The following NEO1 variants were observed in gnomAD, a reference collection of about 807,000 sequenced individuals.
NEO1 encodes neogenin 1, also known as neogenin.
Under a neutral mutation model 159.7 loss-of-function variants are expected in NEO1, and 63 were observed. The ratio of observed to expected loss-of-function variants is 0.39; its 90% CI spans 0.32 to 0.49. The LOEUF (loss-of-function observed/expected upper bound fraction) is 0.49. Among genes scored for constraint, NEO1 ranks in the 20% least tolerant of loss-of-function variants. NEO1 has a pLI of 0.85. For missense variants in NEO1, 1,615 were observed against 1,831.0 expected, an observed-to-expected ratio of 0.88 and a Z score of 2.15; for synonymous variants, 633 against 662.0, an observed-to-expected ratio of 0.96 and a Z score of 0.67.
At chr15:73,272,373 G>T in intron 18 of NEO1, 82 bp from the exon 19 acceptor site, 3 of 978,594 alleles carry the variant, frequency 3.1e-6, no homozygotes, top group East Asian at 5.2e-5. Context: ...CCTTTATTTT[G>T]CCTTACAAGT....
chr15:73,291,083 G>C (rs2042147448), intron 25 of NEO1, among the ~76,000 whole-genome samples: 1 of 152,180 alleles, frequency 6.6e-6, no homozygotes, highest in African/African-American at 2.4e-5. Context: ...TGGAAATGCA[G>C]GGGAAAACCA....
chr15:73,210,013 A>G (rs977998094), intron 7 of NEO1, among the ~76,000 whole-genome samples: 3 of 152,150 alleles, frequency 2.0e-5, no homozygotes, highest in Non-Finnish European at 4.4e-5. Context: ...AAAAAAACGA[A>G]AAAAAGTAGC....
At chr15:73,071,519 T>C (rs2068532050) in intron 1 of NEO1, among the ~76,000 whole-genome samples, 1 of 151,684 alleles carries the variant, frequency 6.6e-6, no homozygotes, top group Non-Finnish European at 1.5e-5. Context: ...TTAGATGTTT[T>C]TTGTTTGTTT....
intron 16 of NEO1, among the ~76,000 whole-genome samples, chr15:73,268,950 C>G (rs1367706649): frequency 6.6e-6 from 1 of 152,216 alleles, no homozygotes; most frequent in Non-Finnish European, 1.5e-5. Flanking sequence ...TTTCCGTTAA[C>G]TGATGGGAAT....
At chr15:73,223,634 A>T (rs561182549) in intron 7 of NEO1, among the ~76,000 whole-genome samples, 7 of 152,286 alleles carry the variant, frequency 4.6e-5, no homozygotes, top group Non-Finnish European at 8.8e-5. Context: ...TTTGCATGCA[A>T]TGCCTTTTTC....
At chr15:73,129,253 C>G (rs2030752282) in intron 4 of NEO1, among the ~76,000 whole-genome samples, 1 of 151,992 alleles carries the variant, frequency 6.6e-6, no homozygotes, top group African/African-American at 2.4e-5. Context: ...ATGTAATTAC[C>G]CAAAATATCT....
chr15:73,116,500 G>C lies in NEO1; in HGVS notation c.131-40G>C, dbSNP rs563977063. ...ATATTTTCTGACAAATAATAGAAGA[G>C]AGATTTGCTTAACTTTGTTCTTTTT... On this transcript the variant is annotated intron_variant, in intron 1 of 28. Transcript: ENST00000261908. 505 of 1,464,544 alleles carry C rather than the reference G, an allele frequency of 3.4e-4. 5 individuals carry two copies. The South Asian group carries it at 7.2e-3, about 21-fold the overall frequency. 90.7% of individuals were successfully genotyped at this position (1,464,544 alleles called of 1,614,324 possible). A position where few individuals can be genotyped will look rare whatever the true frequency, so the allele number is the denominator to read the frequency against.
chr15:73,117,197 T>A (rs1434860277), intron 2 of NEO1, among the ~76,000 whole-genome samples: 3 of 152,182 alleles, frequency 2.0e-5, no homozygotes, highest in Admixed American at 2.0e-4. Context: ...TTACCCAGCA[T>A]AACCATTTAG....
intron 7 of NEO1, among the ~76,000 whole-genome samples, chr15:73,229,127 C>T (rs927963934): frequency 6.6e-6 from 1 of 152,076 alleles, no homozygotes; most frequent in Non-Finnish European, 1.5e-5. Context: ...GCCTTATTAA[C>T]AACTTTGAGT....
rs185343162 is a variant in NEO1 at position 73,225,146 on chromosome 15, T to C, written c.1292-11201T>C. On this transcript the variant is annotated intron_variant, in intron 7 of 28. Coordinates refer to ENST00000261908, the MANE Select transcript of NEO1 (RefSeq NM_002499.4). ...TGGGGGTTGTCTGCACAGAGTCCTG[T>C]GATGTGAACCGTCTATGGGTTTCTC... 4.7e-4 allele frequency among the ~76,000 whole-genome samples: 71 copies of C among 152,264 alleles called. 1 individual carries two copies. The East Asian group carries it at 0.013, about 27-fold the overall frequency.
At chr15:73,253,373 A>AAT (rs749286106) in intron 11 of NEO1, 27 bp from the exon 12 acceptor site, 11 of 1,152,640 alleles carry the variant, frequency 9.5e-6, no homozygotes, top group South Asian at 8.6e-5. Flanking sequence ...TAAAAAAAAA[A>AAT]TTTTTTTTTT....
intron 7 of NEO1, among the ~76,000 whole-genome samples, chr15:73,211,188 A>G (rs1280551187): frequency 6.6e-6 from 1 of 152,214 alleles, no homozygotes; most frequent in Non-Finnish European, 1.5e-5. Context: ...CTTGCTGTAA[A>G]CAGCTAGAAA....
At chr15:73,252,359 C>G (rs1294781052) in intron 11 of NEO1, among the ~76,000 whole-genome samples, 3 of 152,202 alleles carry the variant, frequency 2.0e-5, no homozygotes, top group African/African-American at 7.2e-5. Context: ...GTGTGGGCCA[C>G]ACACTGAGAT....
chr15:73,258,357 A>C (rs1189890129), intron 13 of NEO1, among the ~76,000 whole-genome samples: 1 of 152,162 alleles, frequency 6.6e-6, no homozygotes, highest in Non-Finnish European at 1.5e-5. Context: ...ATTCTTTCCT[A>C]GGTTTTAGTG....
intron 13 of NEO1, chr15:73,256,029 G>A (rs991214470): frequency 6.6e-6 from 1 of 152,166 alleles, no homozygotes; most frequent in Non-Finnish European, 1.5e-5. Context: ...GTGAGATATT[G>A]TCATTATTTT....
intron 7 of NEO1, among the ~76,000 whole-genome samples, chr15:73,203,221 C>T (rs559562482): frequency 5.6e-4 from 86 of 152,270 alleles, no homozygotes; most frequent in Admixed American, 2.0e-3. Flanking sequence ...ACATGCCCAC[C>T]ACTGATGCAG....
In NEO1 at chr15:73,094,775, TG is replaced by T. The variant is rs372411430; in HGVS notation, c.131-21764del. Among the ~76,000 whole-genome samples, 319 of 152,330 alleles carry T rather than the reference TG, an allele frequency of 2.1e-3. 2 individuals are homozygous for T. The highest frequency in any genetic ancestry group is 7.3e-3 in the African/African-American group (304 of 41,578). ...TTTATTTTTATTTTTGTTTCTTAAT[TG>T]TTAGTTGGATCTAGAGATTTGATCA... On this transcript the variant is annotated intron_variant, in intron 1 of 28. Transcript: ENST00000261908.
At chr15:73,102,165 A>C (rs2070436829) in intron 1 of NEO1, among the ~76,000 whole-genome samples, 1 of 152,170 alleles carries the variant, frequency 6.6e-6, no homozygotes, top group Non-Finnish European at 1.5e-5. Context: ...CGGGAGTTCA[A>C]GACCAGCCTG....
At position 73,283,120 on chromosome 15, in the gene NEO1, C is replaced by T. The variant is rs2041800140; in HGVS notation, c.3410+9C>T. 2.5e-6 allele frequency: 4 copies of T among 1,613,910 alleles called. No individual in the cohort carries two copies. Among genetic ancestry groups the T allele is most frequent in the Non-Finnish European group, 3.4e-6 (4 of 1,179,938 alleles). ...ACCTCTCACCAGAAAAAGTAAGAAG[C>T]CCCAGATGCACCCCTTAGATTTTTG... On this transcript the variant is annotated intron_variant, in intron 23 of 28. Coordinates refer to ENST00000261908, the MANE Select transcript of NEO1 (RefSeq NM_002499.4).
Sources: gnomAD v4.1 joint callset for allele counts (sites outside exome capture counted in the v4.1 genomes callset) on GRCh38, gnomAD v4.1.1 for gene constraint, MANE v1.5 for transcripts, NCBI Gene and HGNC (gene_info 2026-07-23, HGNC 2026-07-21) for gene names.